The following UNC5D variants were observed in gnomAD, a reference collection of about 807,000 sequenced individuals.
UNC5D encodes the protein netrin receptor UNC5D.
Under a neutral mutation model 105.4 loss-of-function variants are expected in UNC5D, and 39 were observed. That is an observed-to-expected ratio of 0.37 (90% CI 0.29 to 0.48). The LOEUF (loss-of-function observed/expected upper bound fraction) is 0.48. UNC5D is among the 20% of genes least tolerant of loss of function. The pLI, the probability that UNC5D is intolerant of heterozygous loss-of-function variation, is 0.98. For synonymous variants in UNC5D, 452 were observed against 450.4 expected (o/e 1.00, Z -0.04); for missense variants, 991 against 1,202.4 (o/e 0.82, Z 2.60).
intron 1 of UNC5D, among the ~76,000 whole-genome samples, chr8:35,484,600 G>A (rs1012692176): frequency 9.9e-5 from 15 of 152,042 alleles, no homozygotes; most frequent in African/African-American, 3.4e-4. Context: ...TATGAAAATT[G>A]CAGATACCAG....
intron 1 of UNC5D, among the ~76,000 whole-genome samples, chr8:35,421,399 G>A (rs1357388057): frequency 6.6e-6 from 1 of 151,868 alleles, no homozygotes; most frequent in Admixed American, 6.6e-5. Flanking sequence ...TTAGTATTGG[G>A]GAATAAACAT....
intron 1 of UNC5D, among the ~76,000 whole-genome samples, chr8:35,386,762 G>A (rs1803424920): frequency 6.6e-6 from 1 of 152,162 alleles, no homozygotes; most frequent in Non-Finnish European, 1.5e-5. Context: ...TTTAAACATA[G>A]GAAATGTCTA....
chr8:35,612,904 C>T (rs1220622491), intron 4 of UNC5D, among the ~76,000 whole-genome samples: 8 of 151,870 alleles, frequency 5.3e-5, no homozygotes, highest in African/African-American at 9.7e-5. Context: ...CAACAAATGC[C>T]TTTTCTAATC....
chr8:35,553,797 G>A (rs147730928), intron 2 of UNC5D, among the ~76,000 whole-genome samples: 2 of 152,314 alleles, frequency 1.3e-5, no homozygotes, highest in African/African-American at 4.8e-5. Flanking sequence ...GGTTCTCCAA[G>A]GCAGAGCTGG....
At chr8:35,354,321 G>A (rs969748662) in intron 1 of UNC5D, among the ~76,000 whole-genome samples, 2 of 152,062 alleles carry the variant, frequency 1.3e-5, no homozygotes, top group African/African-American at 4.8e-5. Context: ...AGACAAATAT[G>A]AGTGACAGAC....
chr8:35,380,179 G>A (rs2128931469), intron 1 of UNC5D, among the ~76,000 whole-genome samples: 1 of 148,882 alleles, frequency 6.7e-6, no homozygotes, highest in East Asian at 2.0e-4. Context: ...GACCAAGACG[G>A]AGAGACAGAG....
At chr8:35,251,827 T>C (rs1803717150) in intron 1 of UNC5D, among the ~76,000 whole-genome samples, 1 of 152,116 alleles carries the variant, frequency 6.6e-6, no homozygotes, top group African/African-American at 2.4e-5. Context: ...TCTTAGTGTC[T>C]GAAGGATGTA....
intron 5 of UNC5D, 139 bp from the exon 6 acceptor site, chr8:35,684,443 G>A (rs1455286394): frequency 1.5e-5 from 14 of 925,960 alleles, no homozygotes; most frequent in Non-Finnish European, 2.2e-5. Context: ...TCTCATAATG[G>A]AGCAGCCAGT....
intron 1 of UNC5D, among the ~76,000 whole-genome samples, chr8:35,428,884 C>T (rs2128973330): frequency 6.6e-6 from 1 of 152,054 alleles, no homozygotes; most frequent in African/African-American, 2.4e-5. Context: ...GCTTTATTGA[C>T]TTTAAACAAG....
intron 7 of UNC5D, among the ~76,000 whole-genome samples, chr8:35,697,385 G>C (rs1280228148): frequency 6.6e-6 from 1 of 150,504 alleles, no homozygotes; most frequent in Non-Finnish European, 1.5e-5. Context: ...TTGAGGAGAA[G>C]TTTATTCTCA....
chr8:35,460,089 C>T (rs1266175321), intron 1 of UNC5D, among the ~76,000 whole-genome samples: 1 of 152,146 alleles, frequency 6.6e-6, no homozygotes, highest in Non-Finnish European at 1.5e-5. Context: ...TGAAGGGAAA[C>T]AATAAGCTTA....
intron 1 of UNC5D, among the ~76,000 whole-genome samples, chr8:35,300,281 C>T (rs1807839075): frequency 6.6e-6 from 1 of 151,676 alleles, no homozygotes; most frequent in Non-Finnish European, 1.5e-5. Context: ...AACGCCATCT[C>T]TACTAAAAAT....
In UNC5D at chr8:35,742,576, C is replaced by T. The variant is rs371931875; in HGVS notation, c.1767-5951C>T. Among the ~76,000 whole-genome samples the T allele has an allele frequency of 2.2e-3, 333 of 152,056 alleles. 5 individuals are homozygous for T. The South Asian group carries it at 0.046, about 21-fold the overall frequency. ...CTACATTAATCTAGAATATAGACCA[C>T]AAGGAGGAAAGGAGGGAATGGTAAT... is the stretch of plus-strand genomic sequence containing the variant. On this transcript the variant is annotated intron_variant, in intron 11 of 16. Coordinates refer to ENST00000404895, the MANE Select transcript of UNC5D (RefSeq NM_080872.4).
Position 35,565,912 on chromosome 8 carries a change from C to T in UNC5D, c.323-2186C>T, listed in dbSNP as rs80218327. Reference sequence around the variant, plus strand: ...TCCACTTTCTGTGACATTCTTCCCTCTTGCCTTTGCCTGCCAACTCTGCCT... The same window carrying T: ...TCCACTTTCTGTGACATTCTTCCCTTTTGCCTTTGCCTGCCAACTCTGCCT... On this transcript the variant is annotated intron_variant, in intron 2 of 16. Transcript: ENST00000404895. 2.0e-4 allele frequency among the ~76,000 whole-genome samples: 31 copies of T among 152,280 alleles called. 1 individual carries two copies. In the East Asian group the frequency reaches 6.0e-3, roughly 29 times the overall value.
intron 3 of UNC5D, among the ~76,000 whole-genome samples, chr8:35,590,840 C>A (rs1357881806): frequency 2.0e-5 from 3 of 152,144 alleles, no homozygotes; most frequent in Non-Finnish European, 2.9e-5. Flanking sequence ...TCCCCACCTT[C>A]CTCACCGGTG....
chr8:35,625,560 G>A (rs1821655354), intron 4 of UNC5D, among the ~76,000 whole-genome samples: 1 of 152,182 alleles, frequency 6.6e-6, no homozygotes, highest in Non-Finnish European at 1.5e-5. Context: ...AAAATGTAAT[G>A]TGGCAGGATT....
intron 4 of UNC5D, among the ~76,000 whole-genome samples, chr8:35,629,275 T>G (rs1251795983): frequency 6.6e-6 from 1 of 152,204 alleles, no homozygotes; most frequent in African/African-American, 2.4e-5. Flanking sequence ...TGGTTTTAAT[T>G]TGCATTTCTC....
intron 1 of UNC5D, among the ~76,000 whole-genome samples, chr8:35,512,535 G>GTGTATATATATATA (rs1163798673): frequency 9.0e-5 from 3 of 33,448 alleles, no homozygotes; most frequent in African/African-American, 2.2e-4. Flanking sequence ...ATTCAGATAT[G>GTGTATATATATATA]TATGTATATA....
At chr8:35,367,432 TC>T (rs1342510432) in intron 1 of UNC5D, among the ~76,000 whole-genome samples, 1 of 152,170 alleles carries the variant, frequency 6.6e-6, no homozygotes, top group African/African-American at 2.4e-5. Context: ...ACCCAGGTCT[TC>T]CCCAGATGAA....
Sources: allele counts gnomAD v4.1 joint callset (sites outside exome capture counted in the v4.1 genomes callset), GRCh38; gene constraint gnomAD v4.1.1; transcripts MANE v1.5; gene names NCBI Gene and HGNC (gene_info 2026-07-23, HGNC 2026-07-21).